The following EPM2A variants were observed in gnomAD, a reference collection of about 807,000 sequenced individuals.
The protein encoded by EPM2A is laforin.
Under a neutral mutation model 26.5 loss-of-function variants are expected in EPM2A, and 21 were observed. The observed-to-expected ratio is 0.79, with a 90% confidence interval of 0.56 to 1.14. The LOEUF (loss-of-function observed/expected upper bound fraction) is 1.14. Among genes scored for constraint, EPM2A ranks in the 50% most tolerant of loss-of-function variants. The pLI is 0.00. For missense variants in EPM2A, 458 were observed against 440.8 expected, an observed-to-expected ratio of 1.04 and a Z score of -0.35; for synonymous variants, 217 against 177.6, an observed-to-expected ratio of 1.22 and a Z score of -1.76.
chr6:145,638,161 A>G (rs909767674), intron 2 of EPM2A: 1 of 152,212 alleles, frequency 6.6e-6, no homozygotes, highest in African/African-American at 2.4e-5. Context: ...TTTCTTGAAT[A>G]TTGCACTCTT....
intron 4 of EPM2A, among the ~76,000 whole-genome samples, chr6:145,437,093 G>T (rs191028085): frequency 6.6e-6 from 1 of 152,084 alleles, no homozygotes; most frequent in African/African-American, 2.4e-5. Flanking sequence ...TCATCTCCAC[G>T]TGTTGAAGGT....
chr6:145,519,172 G>A (rs1022858952), intron 2 of EPM2A, among the ~76,000 whole-genome samples: 1 of 152,108 alleles, frequency 6.6e-6, no homozygotes, highest in African/African-American at 2.4e-5. Context: ...CCTCTTAGAA[G>A]AATCATCTTC....
chr6:145,584,028 A>AGT (rs956985678), intron 2 of EPM2A, among the ~76,000 whole-genome samples: 3 of 152,168 alleles, frequency 2.0e-5, no homozygotes, highest in African/African-American at 4.8e-5. Context: ...GGGGCAGCAT[A>AGT]GTGTGTGTGT....
chr6:145,567,493 T>G (rs1205719416), intron 2 of EPM2A, among the ~76,000 whole-genome samples: 2 of 152,186 alleles, frequency 1.3e-5, no homozygotes, highest in East Asian at 3.9e-4. Flanking sequence ...CACAGCAGGC[T>G]AAAAGCAATT....
chr6:145,471,921 G>A (rs1357360219), intron 4 of EPM2A, among the ~76,000 whole-genome samples: 9 of 151,696 alleles, frequency 5.9e-5, no homozygotes, highest in African/African-American at 2.2e-4. Flanking sequence ...CAGCTGGGGT[G>A]GCTCCAGGAG....
intron 4 of EPM2A, among the ~76,000 whole-genome samples, chr6:145,496,136 A>T (rs383762): frequency 0.45 from 68,243 of 151,756 alleles, 15,359 homozygotes; most frequent in South Asian, 0.58. Flanking sequence ...GCCTCCAATT[A>T]CTTCTGGCTT....
intron 2 of EPM2A, chr6:145,636,484 C>T (rs1273262601): frequency 6.7e-6 from 1 of 149,368 alleles, no homozygotes; most frequent in Non-Finnish European, 1.5e-5. Flanking sequence ...GACTCCATCT[C>T]TTAAAAAAAA....
chr6:145,567,570 G>C (rs949235690), intron 2 of EPM2A, among the ~76,000 whole-genome samples: 2 of 152,172 alleles, frequency 1.3e-5, no homozygotes, highest in African/African-American at 2.4e-5. Context: ...CTCCTAGCCG[G>C]TTGGCCAGAA....
At chr6:145,583,123 G>A (rs1781137855) in intron 2 of EPM2A, among the ~76,000 whole-genome samples, 1 of 151,970 alleles carries the variant, frequency 6.6e-6, no homozygotes, top group Non-Finnish European at 1.5e-5. Flanking sequence ...GATGATCTTT[G>A]TTCCTATTCA....
chr6:145,735,703 C>A (rs1029830072), upstream of EPM2A: 9 of 1,022,514 alleles, frequency 8.8e-6, no homozygotes, highest in Non-Finnish European at 1.1e-5. Flanking sequence ...AAGGGGTCAG[C>A]GGAGCCGCTA....
At chr6:145,454,922 T>C (rs534069028) in intron 4 of EPM2A, among the ~76,000 whole-genome samples, 2 of 152,202 alleles carry the variant, frequency 1.3e-5, no homozygotes, top group South Asian at 4.2e-4. Flanking sequence ...AACAAAGAAT[T>C]ACTAGAAAAA....
intron 4 of EPM2A, among the ~76,000 whole-genome samples, chr6:145,428,240 T>A (rs939363288): frequency 6.6e-6 from 1 of 152,110 alleles, no homozygotes; most frequent in African/African-American, 2.4e-5. Context: ...TTATTTGTAT[T>A]TAATTATTAT....
At chr6:145,618,370 GAGA>G (rs1775559651) in intron 2 of EPM2A, among the ~76,000 whole-genome samples, 1 of 152,338 alleles carries the variant, frequency 6.6e-6, no homozygotes, top group African/African-American at 2.4e-5. Context: ...AGAGATTGGA[GAGA>G]AGGACACAGT....
At chr6:145,527,810 C>T (rs1404285707) in intron 2 of EPM2A, among the ~76,000 whole-genome samples, 5 of 152,002 alleles carry the variant, frequency 3.3e-5, no homozygotes, top group East Asian at 1.9e-4. Flanking sequence ...CAAATGATTA[C>T]GCCTAGTAAG....
chr6:145,426,199 G>T (rs1473401544), intron 4 of EPM2A, among the ~76,000 whole-genome samples: 1 of 152,178 alleles, frequency 6.6e-6, no homozygotes, highest in African/African-American at 2.4e-5. Flanking sequence ...AGCAGGCCAG[G>T]ATAGGGACCC....
Position 145,458,725 on chromosome 6 carries a change from C to G in EPM2A, c.555+43797G>C, listed in dbSNP as rs565021931. 2.0e-5 allele frequency among the ~76,000 whole-genome samples: 3 copies of G among 152,092 alleles called. No individual in the cohort carries two copies. In the East Asian group the frequency reaches 5.8e-4, roughly 29 times the overall value. On this transcript the variant is annotated intron_variant, in intron 4 of 4. Coordinates refer to the EPM2A transcript ENST00000638717. ...GCACCTGTTTACATGTATATGGAAC[C>G]AAAAAATCCTGATGAAATAGATATC... is the stretch of plus-strand genomic sequence containing the variant.
chr6:145,433,717 T>A (rs1778950462), intron 4 of EPM2A, among the ~76,000 whole-genome samples: 1 of 152,196 alleles, frequency 6.6e-6, no homozygotes. Context: ...TCATTAACAC[T>A]GTAAGAATAC....
intron 2 of EPM2A, among the ~76,000 whole-genome samples, chr6:145,650,981 A>G (rs968556011): frequency 6.6e-6 from 1 of 152,222 alleles, no homozygotes; most frequent in African/African-American, 2.4e-5. Context: ...GAAAATGGAA[A>G]GACAAGGTGC....
intron 4 of EPM2A, among the ~76,000 whole-genome samples, chr6:145,423,448 A>C (rs1461340452): frequency 6.6e-6 from 1 of 152,160 alleles, no homozygotes; most frequent in Non-Finnish European, 1.5e-5. Context: ...AAACTATGAG[A>C]TGGTACCTAA....
Sources: gnomAD v4.1 joint callset for allele counts (sites outside exome capture counted in the v4.1 genomes callset) on GRCh38, gnomAD v4.1.1 for gene constraint, MANE v1.5 for transcripts, NCBI Gene and HGNC (gene_info 2026-07-23, HGNC 2026-07-21) for gene names.